Variants in CTNNA3 observed in about 807,000 individuals in gnomAD.
The protein encoded by CTNNA3 is catenin alpha 3, also known as catenin alpha-3.
CTNNA3 carries 76 observed loss-of-function variants against 95.7 expected under a neutral mutation model. The ratio of observed to expected loss-of-function variants is 0.79; its 90% CI spans 0.66 to 0.96. The LOEUF is 0.96. CTNNA3 is among the 40% of genes least tolerant of loss of function. CTNNA3 has a pLI of 0.00. For missense variants in CTNNA3, 1,191 were observed against 1,089.8 expected (o/e 1.09, Z -1.31); for synonymous variants, 431 against 374.4 (o/e 1.15, Z -1.74).
intron 7 of CTNNA3, among the ~76,000 whole-genome samples, chr10:67,169,044 C>T (rs766504393): frequency 5.3e-5 from 8 of 152,036 alleles, no homozygotes; most frequent in Non-Finnish European, 1.2e-4. Flanking sequence ...ACAATTGCCA[C>T]AAAAAGACTA....
intron 7 of CTNNA3, among the ~76,000 whole-genome samples, chr10:67,025,129 C>T (rs1053709605): frequency 1.2e-4 from 3 of 25,374 alleles, no homozygotes; most frequent in South Asian, 3.4e-3. Context: ...AAAACTCTGT[C>T]AAAAACAAAA....
chr10:67,016,880 G>T (rs533836268), intron 7 of CTNNA3, among the ~76,000 whole-genome samples: 1 of 152,234 alleles, frequency 6.6e-6, no homozygotes, highest in East Asian at 1.9e-4. Flanking sequence ...TCTAAAACTG[G>T]AATGATACGA....
chr10:66,630,231 G>C (rs1845084664), intron 9 of CTNNA3, among the ~76,000 whole-genome samples: 1 of 152,002 alleles, frequency 6.6e-6, no homozygotes, highest in Admixed American at 6.6e-5. Flanking sequence ...ATGACAAATA[G>C]AAGAAAAATG....
At chr10:66,412,636 T>A (rs564516486) in intron 11 of CTNNA3, among the ~76,000 whole-genome samples, 11 of 152,058 alleles carry the variant, frequency 7.2e-5, no homozygotes, top group African/African-American at 2.7e-4. Flanking sequence ...ATTTTTTGCA[T>A]TTGTAGTAGA....
intron 7 of CTNNA3, among the ~76,000 whole-genome samples, chr10:66,855,745 G>T (rs907090895): frequency 2.6e-5 from 4 of 151,900 alleles, no homozygotes; most frequent in African/African-American, 7.2e-5. Context: ...AAGCTATCTT[G>T]CATTAAAAGA....
intron 5 of CTNNA3, among the ~76,000 whole-genome samples, chr10:67,493,894 G>A (rs1003187195): frequency 9.2e-5 from 14 of 152,244 alleles, no homozygotes; most frequent in African/African-American, 3.1e-4. Context: ...TGCCAGCATC[G>A]TCATGTCGTT....
At chr10:65,927,204 T>C (rs147819095) in intron 17 of CTNNA3, among the ~76,000 whole-genome samples, 111 of 152,312 alleles carry the variant, frequency 7.3e-4, no homozygotes, top group African/African-American at 2.5e-3. Context: ...AACGAGTCTT[T>C]AAAAATTTTT....
intron 9 of CTNNA3, among the ~76,000 whole-genome samples, chr10:66,660,272 G>T (rs1010366850): frequency 1.3e-4 from 20 of 152,184 alleles, no homozygotes; most frequent in African/African-American, 4.8e-4. Context: ...TGTACCTCAA[G>T]ATGCCAGTGT....
At position 65,958,369 on chromosome 10, in the gene CTNNA3, A is replaced by T. The variant is rs1289155789; in HGVS notation, c.2400+8243T>A. 3.3e-5 allele frequency among the ~76,000 whole-genome samples: 5 copies of T among 152,090 alleles called. No homozygotes were observed. In the East Asian group the frequency reaches 7.7e-4, roughly 23 times the overall value. ...TTGGAGAAGTTTGTTATTACCGATC[A>T]TCTGAAGCCTTCTTCTCTCAACTCG... On this transcript the variant is annotated intron_variant, in intron 17 of 17. Coordinates refer to ENST00000433211, the MANE Select transcript of CTNNA3 (RefSeq NM_013266.4).
At chr10:66,543,158 G>A (rs1841918275) in intron 10 of CTNNA3, among the ~76,000 whole-genome samples, 1 of 151,730 alleles carries the variant, frequency 6.6e-6, no homozygotes, top group African/African-American at 2.4e-5. Context: ...GCGCAATCTC[G>A]GCTCACTGCA....
In CTNNA3 at chr10:67,328,862, AG is replaced by A. The variant is rs527350779; in HGVS notation, c.580-108993del. Among the ~76,000 whole-genome samples the A allele has an allele frequency of 2.8e-3, 422 of 152,296 alleles. 3 individuals are homozygous for A. The highest frequency in any genetic ancestry group is 9.7e-3 in the African/African-American group (402 of 41,566). On this transcript the variant is annotated intron_variant, in intron 5 of 17. Coordinates refer to ENST00000433211, the MANE Select transcript of CTNNA3 (RefSeq NM_013266.4). ...TTCTTTTTCTTTTTTTATGATTAAT[AG>A]GATATTATAGGACTTATTTGGTTTT...
rs761449098 is a variant in CTNNA3, at chr10:65,920,401, G to C, written c.2617C>G (p.Arg873Gly). 1.2e-6 allele frequency: 2 copies of C among 1,613,990 alleles called. No individual in the cohort carries two copies. The highest frequency in any genetic ancestry group is 1.1e-5 in the South Asian group (1 of 91,074). The change falls in exon 18 of 18, where the codon CGA becomes GGA. Residue 873 changes from arginine to glycine, a missense_variant. Physicochemically the swap from Arg to Gly is moderately radical, Grantham distance 125. Coordinates refer to ENST00000433211, the MANE Select transcript of CTNNA3 (RefSeq NM_013266.4). ...TGGATTTTTTTCTTTGCTGAGCCTC[G>C]TCTGACAGCTGCACACGTTTCCTCT... ...KPEETCAAVRRGSAKKKIHPL... is the reference protein window; with the variant it reads ...KPEETCAAVRGGSAKKKIHPL...
In CTNNA3 at chr10:67,460,151, C is replaced by T. The variant is rs16924494; in HGVS notation, c.579+61691G>A. Among the ~76,000 whole-genome samples, 1,140 of 152,226 alleles carry T rather than the reference C, an allele frequency of 7.5e-3. 18 individuals are homozygous for T. The highest frequency in any genetic ancestry group is 0.026 in the African/African-American group (1,094 of 41,542). ...ATTCAACATAGGTTTATATACTTAA[C>T]ACTGTCCAGGAGATAGGCAAAGAAT... On this transcript the variant is annotated intron_variant, in intron 5 of 17. Coordinates refer to ENST00000433211, the MANE Select transcript of CTNNA3 (RefSeq NM_013266.4).
At chr10:67,466,554 AGT>A (rs1346261838) in intron 5 of CTNNA3, among the ~76,000 whole-genome samples, 3 of 152,210 alleles carry the variant, frequency 2.0e-5, no homozygotes, top group African/African-American at 7.2e-5. Flanking sequence ...GAAGAATTTC[AGT>A]GTTGGCTGTA....
intron 4 of CTNNA3, among the ~76,000 whole-genome samples, chr10:67,522,262 C>T (rs1197366749): frequency 2.0e-5 from 3 of 152,176 alleles, no homozygotes; most frequent in South Asian, 4.1e-4. Flanking sequence ...TTAGGATATA[C>T]TTCTGCTTTA....
intron 13 of CTNNA3, among the ~76,000 whole-genome samples, chr10:66,106,343 G>T (rs1189737570): frequency 8.8e-5 from 2 of 22,718 alleles, no homozygotes; most frequent in Non-Finnish European, 1.9e-4. Flanking sequence ...GTGTTTGTGT[G>T]TGTGTGTGTG....
intron 1 of CTNNA3, among the ~76,000 whole-genome samples, chr10:67,651,320 A>C (rs1397899019): frequency 6.6e-6 from 1 of 152,144 alleles, no homozygotes; most frequent in Admixed American, 6.6e-5. Flanking sequence ...GTCTCTCATC[A>C]CATCTTTAAA....
At chr10:66,309,922 TAAATAAATAAATAAA>T (rs1394410967) in intron 12 of CTNNA3, among the ~76,000 whole-genome samples, 3 of 103,410 alleles carry the variant, frequency 2.9e-5, no homozygotes, top group Non-Finnish European at 6.3e-5. Context: ...AATAAATAAA[TAAATAAATAAATAAA>T]TAAATAAATA....
intron 12 of CTNNA3, among the ~76,000 whole-genome samples, chr10:66,290,948 T>C (rs2091671185): frequency 6.6e-6 from 1 of 152,184 alleles, no homozygotes; most frequent in African/African-American, 2.4e-5. Context: ...AAGTGACTTG[T>C]ATCAGCTGCA....
Sources: allele counts gnomAD v4.1 joint callset (sites outside exome capture counted in the v4.1 genomes callset), GRCh38; gene constraint gnomAD v4.1.1; transcripts MANE v1.5; gene names NCBI Gene and HGNC (gene_info 2026-07-23, HGNC 2026-07-21).